Variants in ALPK2 observed in about 807,000 individuals in gnomAD.
The protein encoded by ALPK2 is alpha kinase 2, also known as alpha-protein kinase 2.
ALPK2 carries 127 observed loss-of-function variants against 163.1 expected under a neutral mutation model. That is an observed-to-expected ratio of 0.78 (90% CI 0.67 to 0.90). The LOEUF (loss-of-function observed/expected upper bound fraction) is 0.90, where lower values mean the gene tolerates loss of function less well. Ranked by LOEUF, ALPK2 falls within the 40% of genes least tolerant of loss-of-function variation. The pLI, the probability that ALPK2 is intolerant of heterozygous loss-of-function variation, is 0.00. For synonymous variants in ALPK2, 953 were observed against 959.1 expected (o/e 0.99, Z 0.12); for missense variants, 2,360 against 2,589.6 (o/e 0.91, Z 1.92).
At chr18:58,528,905 T>G (rs1464666037) in intron 6 of ALPK2, 186 bp downstream of exon 6, 1 of 703,306 alleles carries the variant, frequency 1.4e-6, no homozygotes, top group African/African-American at 1.8e-5. Flanking sequence ...GCAAGAATCC[T>G]CCATCATTTT....
intron 4 of ALPK2, among the ~76,000 whole-genome samples, chr18:58,550,842 C>T (rs2144164080): frequency 6.7e-6 from 1 of 150,224 alleles, no homozygotes; most frequent in Admixed American, 6.6e-5. Context: ...ACTCCATCCT[C>T]ATCTCCAAAA....
intron 12 of ALPK2, among the ~76,000 whole-genome samples, chr18:58,483,545 A>ATTTATTTATTTT (rs1441985439): frequency 6.7e-6 from 1 of 149,656 alleles, no homozygotes; most frequent in Non-Finnish European, 1.5e-5. Context: ...TTATTTATTT[A>ATTTATTTATTTT]TTTATTTATT....
At chr18:58,543,855 G>C (rs1227980953) in intron 4 of ALPK2, among the ~76,000 whole-genome samples, 2 of 152,162 alleles carry the variant, frequency 1.3e-5, no homozygotes, top group African/African-American at 4.8e-5. Context: ...TGAGGCTACA[G>C]AGCCCTTTCC....
chr18:58,512,793 GGT>G (rs1341622022), intron 10 of ALPK2, among the ~76,000 whole-genome samples: 1 of 134,990 alleles, frequency 7.4e-6, no homozygotes, highest in Admixed American at 7.4e-5. Flanking sequence ...GGTGTGTGGG[GGT>G]GTGTGTGATG....
At chr18:58,482,076 A>C (rs759759508) in intron 12 of ALPK2, 37 bp from the exon 13 acceptor site, 2 of 1,491,204 alleles carry the variant, frequency 1.3e-6, no homozygotes, top group Non-Finnish European at 9.3e-7. Context: ...AGCTTTTAAA[A>C]ACAGGACACT....
chr18:58,572,205 A>G (rs1037656461), intron 4 of ALPK2, among the ~76,000 whole-genome samples: 2 of 152,196 alleles, frequency 1.3e-5, no homozygotes, highest in Non-Finnish European at 2.9e-5. Context: ...GGATATCACC[A>G]CACACATATC....
At chr18:58,627,982 G>T (rs2052240579) in intron 1 of ALPK2, among the ~76,000 whole-genome samples, 1 of 152,188 alleles carries the variant, frequency 6.6e-6, no homozygotes, top group South Asian at 2.1e-4. Flanking sequence ...AATTAGAGCA[G>T]AAGCAGCTCT....
At position 58,538,098 on chromosome 18, in the gene ALPK2, C is replaced by T. The variant is rs1411847615; in HGVS notation, c.2089G>A (p.Val697Ile). ...GCTAATGATGCATTTTCCTTGTGGA[C>T]CCCTCCTAAGTTTGAGAAGGAAATT... ...TTISFSNLGG[V>I]HKENASLAQH... The change falls in exon 5 of 13, where the codon GTC becomes ATC. Residue 697 changes from valine to isoleucine, a missense_variant. Physicochemically the swap from Val to Ile is conservative, Grantham distance 29 (BLOSUM62 3). Transcript: ENST00000361673. The T allele has an allele frequency of 1.2e-6, 2 of 1,613,968 alleles. No individual in the cohort carries two copies. Among genetic ancestry groups the T allele is most frequent in the African/African-American group, 2.7e-5 (2 of 74,886 alleles).
chr18:58,528,179 A>G (rs1160845210), intron 6 of ALPK2, among the ~76,000 whole-genome samples: 2 of 152,206 alleles, frequency 1.3e-5, no homozygotes, highest in Non-Finnish European at 2.9e-5. Context: ...CACAGGGGAT[A>G]TTCTTGGCAA....
chr18:58,554,214 A>C (rs1002782259), intron 4 of ALPK2, among the ~76,000 whole-genome samples: 1 of 152,206 alleles, frequency 6.6e-6, no homozygotes, highest in Non-Finnish European at 1.5e-5. Flanking sequence ...GTGTTAGCTC[A>C]GCTATCGTCT....
intron 3 of ALPK2, among the ~76,000 whole-genome samples, chr18:58,598,030 G>A (rs1408919870): frequency 2.0e-5 from 3 of 152,254 alleles, no homozygotes; most frequent in Non-Finnish European, 4.4e-5. Context: ...AGGACGGTGA[G>A]AAAGAAACTT....
chr18:58,515,686 A>G (rs2051517598), intron 9 of ALPK2, among the ~76,000 whole-genome samples: 1 of 152,236 alleles, frequency 6.6e-6, no homozygotes, highest in Non-Finnish European at 1.5e-5. Flanking sequence ...GCAGAACACT[A>G]TATTCAGAGA....
At chr18:58,570,761 CT>C (rs909484903) in intron 4 of ALPK2, among the ~76,000 whole-genome samples, 4 of 152,236 alleles carry the variant, frequency 2.6e-5, no homozygotes, top group Admixed American at 2.6e-4. Flanking sequence ...CTTGCTCATT[CT>C]TTCCAAATAG....
Position 58,539,651 on chromosome 18 carries a change from C to T in ALPK2, c.1963-1427G>A, listed in dbSNP as rs60431683. Reference sequence around the variant, plus strand: ...GCAGGGAACAGATGACTGGCCTTGGCGGGATGGGGTTCAGGGGTGGGGATG... The same window carrying T: ...GCAGGGAACAGATGACTGGCCTTGGTGGGATGGGGTTCAGGGGTGGGGATG... On this transcript the variant is annotated intron_variant, in intron 4 of 12. Transcript: ENST00000361673. Among the ~76,000 whole-genome samples the T allele has an allele frequency of 6.1e-3, 931 of 152,248 alleles. 10 individuals are homozygous for T. Among genetic ancestry groups the T allele is most frequent in the African/African-American group, 0.021 (875 of 41,544 alleles).
At position 58,620,089 on chromosome 18, in the gene ALPK2, G is replaced by A. The variant is rs558728632; in HGVS notation, c.-20-8272C>T. On this transcript the variant is annotated intron_variant, in intron 1 of 12. Transcript: ENST00000361673. ...GCAGATCGCCTGAGGTCAGGAGTTT[G>A]AGACCAGCCAGGCCAACATGGTGAA... is the stretch of plus-strand genomic sequence containing the variant. 2.5e-4 allele frequency among the ~76,000 whole-genome samples: 38 copies of A among 152,268 alleles called. No individual in the cohort carries two copies. In the South Asian group the frequency reaches 6.0e-3, roughly 24 times the overall value.
In ALPK2 at chr18:58,550,514, A is replaced by G. The variant is rs200677890; in HGVS notation, c.1963-12290T>C. Among the ~76,000 whole-genome samples, 442 of 58,878 alleles carry G rather than the reference A, an allele frequency of 7.5e-3. 1 individual carries two copies. Among genetic ancestry groups the G allele is most frequent in the Non-Finnish European group, 9.1e-3 (211 of 23,180 alleles). The allele number at this position is 58,878 out of a possible 152,430, so 38.6% of individuals were successfully genotyped here. On this transcript the variant is annotated intron_variant, in intron 4 of 12. Transcript: ENST00000361673. ...CCCCATCTATATCATATACAACCCCATCCCCATCTCCATCACCTACAATCC... is the reference window on the plus strand; with the variant it reads ...CCCCATCTATATCATATACAACCCCGTCCCCATCTCCATCACCTACAATCC...
At chr18:58,528,878 A>G in intron 6 of ALPK2, 1 of 583,960 alleles carries the variant, frequency 1.7e-6, no homozygotes, top group Non-Finnish European at 2.9e-6. Flanking sequence ...CCAGAACTCA[A>G]TTCTGGCAAA....
At chr18:58,597,890 G>A (rs2052048998) in intron 3 of ALPK2, among the ~76,000 whole-genome samples, 1 of 152,198 alleles carries the variant, frequency 6.6e-6, no homozygotes, top group Non-Finnish European at 1.5e-5. Context: ...ATACCAGAGA[G>A]CTTGCACTCT....
At chr18:58,485,728 C>T (rs990212599) in intron 12 of ALPK2, among the ~76,000 whole-genome samples, 2 of 152,222 alleles carry the variant, frequency 1.3e-5, no homozygotes, top group East Asian at 1.9e-4. Flanking sequence ...AGCGCTCTCT[C>T]CCTGGTGAGA....
Sources: allele counts gnomAD v4.1 joint callset (sites outside exome capture counted in the v4.1 genomes callset), GRCh38; gene constraint gnomAD v4.1.1; transcripts MANE v1.5; gene names NCBI Gene and HGNC (gene_info 2026-07-23, HGNC 2026-07-21).